The following NUDT5 variants were observed in gnomAD, a reference collection of about 807,000 sequenced individuals.
NUDT5 encodes the protein ADP-sugar pyrophosphatase.
NUDT5 carries 21 observed loss-of-function variants against 34.1 expected under a neutral mutation model. The ratio of observed to expected loss-of-function variants is 0.62; its 90% CI spans 0.44 to 0.89. NUDT5 has a LOEUF of 0.89. NUDT5 is among the 40% of genes least tolerant of loss of function. The pLI is 0.00. For missense variants in NUDT5, 249 were observed against 274.8 expected (o/e 0.91, Z 0.66); for synonymous variants, 85 against 97.6 (o/e 0.87, Z 0.76).
chr10:12,167,508 G>T lies in NUDT5; in HGVS notation c.*194C>A. The stretch of plus-strand genomic sequence containing the variant: ...TTATATTCTTTGTTAATTTTAGCTG[G>T]AGTTATAACAAATTTAAAGGAAGGT... On this transcript the variant is annotated 3_prime_UTR_variant, in exon 10 of 10. Coordinates refer to ENST00000491614, the MANE Select transcript of NUDT5 (RefSeq NM_014142.4). The T allele has an allele frequency of 1.9e-6, 1 of 535,658 alleles. No individual in the cohort carries two copies. Among genetic ancestry groups the T allele is most frequent in the Non-Finnish European group, 3.3e-6 (1 of 305,360 alleles). The allele number at this position is 535,658 out of a possible 1,614,324, so 33.2% of individuals were successfully genotyped here.
At position 12,187,143 on chromosome 10, in the gene NUDT5, G is replaced by A. The variant is rs149436999; in HGVS notation, c.-41-811C>T. On this transcript the variant is annotated intron_variant, in intron 1 of 9. Coordinates refer to ENST00000491614, the MANE Select transcript of NUDT5 (RefSeq NM_014142.4). The surrounding 1 kb of genome is among the most constrained non-coding windows in gnomAD (Gnocchi z 5.4). ...TACCTCCCAAGCTCACGTGCTCCTC[G>A]CATCTCAGCCTCCTGAGTAGCTGGG... Among the ~76,000 whole-genome samples, 513 of 152,188 alleles carry A rather than the reference G, an allele frequency of 3.4e-3. 3 individuals are homozygous for A. Among genetic ancestry groups the A allele is most frequent in the African/African-American group, 0.012 (486 of 41,514 alleles).
intron 5 of NUDT5, 134 bp downstream of exon 5, chr10:12,177,659 C>G (rs896305278): frequency 1.5e-6 from 1 of 676,278 alleles, no homozygotes; most frequent in Non-Finnish European, 2.6e-6. Flanking sequence ...AGGAGCCTCG[C>G]TACGAAATGG....
rs1564424334 is a variant in NUDT5, at chr10:12,177,815, GC to G, written c.266del (p.Gly89AlafsTer4). On this transcript the variant is annotated frameshift_variant, in exon 5 of 10. Transcript: ENST00000491614. LOFTEE classifies it high-confidence loss of function. ...CACCTGCAGGGAACTCTATGCAGTAGCCCCCCATTGGTGGTCGGAACTGTTT... is the reference window on the plus strand; with the variant it reads ...CACCTGCAGGGAACTCTATGCAGTAGCCCCCATTGGTGGTCGGAACTGTTT... ...LVKQFRPPMG[G>X]YCIEFPAGLI... 1.2e-6 allele frequency: 2 copies of G among 1,613,692 alleles called. No homozygotes were observed.
chr10:12,175,703 C>T lies in NUDT5; in HGVS notation c.290-1890G>A, dbSNP rs1834937536. On this transcript the variant is annotated intron_variant, in intron 5 of 9. Coordinates refer to ENST00000491614, the MANE Select transcript of NUDT5 (RefSeq NM_014142.4). The surrounding 1 kb of genome is among the most constrained non-coding windows in gnomAD (Gnocchi z 4.8). ...ATCTTAGCACTTTGGGAAGCTAAGG[C>T]GGGCAGATCACTTGAGCCAAGGAGT... is the stretch of plus-strand genomic sequence containing the variant. Among the ~76,000 whole-genome samples, 1 of 151,954 alleles carries T rather than the reference C, an allele frequency of 6.6e-6. No individual in the cohort carries two copies. Among genetic ancestry groups the T allele is most frequent in the Non-Finnish European group, 1.5e-5 (1 of 67,990 alleles).
At position 12,166,473 on chromosome 10, in the gene NUDT5, T is replaced by C. The variant is rs1834698001; in HGVS notation, c.*1229A>G. The C allele has an allele frequency of 8.1e-6, 2 of 247,030 alleles. No homozygotes were observed. The highest frequency in any genetic ancestry group is 9.9e-5 in the Admixed American group (2 of 20,128). The allele number at this position is 247,030 out of a possible 1,614,324, so 15.3% of individuals were successfully genotyped here. ...CTGTATTTCCATAATTGTTTTATCTTTAGGAAGTCCAGTGTAAAGATCTTA... is the reference window on the plus strand; with the variant it reads ...CTGTATTTCCATAATTGTTTTATCTCTAGGAAGTCCAGTGTAAAGATCTTA... On this transcript the variant is annotated 3_prime_UTR_variant, in exon 10 of 10. Transcript: ENST00000491614.
Position 12,187,387 on chromosome 10 carries a change from A to G in NUDT5, c.-41-1055T>C, listed in dbSNP as rs576578985. Among the ~76,000 whole-genome samples, 16 of 152,234 alleles carry G rather than the reference A, an allele frequency of 1.1e-4. No homozygotes were observed. Among genetic ancestry groups the G allele is most frequent in the Non-Finnish European group, 2.1e-4 (14 of 68,036 alleles). On this transcript the variant is annotated intron_variant, in intron 1 of 9. Transcript: ENST00000491614. This position sits in a 1 kb window ranked among gnomAD's most constrained non-coding sequence, Gnocchi z 5.4. Reference sequence around the variant, plus strand: ...TGTATCAAAGTCATAGTTGCAGAGAAAGGATCGAGTAGTACTACAAGTTCT... The same window carrying G: ...TGTATCAAAGTCATAGTTGCAGAGAGAGGATCGAGTAGTACTACAAGTTCT...
intron 1 of NUDT5, among the ~76,000 whole-genome samples, chr10:12,191,886 T>C (rs1322216852): frequency 6.6e-6 from 1 of 152,124 alleles, no homozygotes; most frequent in Admixed American, 6.6e-5. Context: ...ATTCCAGAAG[T>C]TAAACTATGA....
Position 12,170,807 on chromosome 10 carries a change from G to A in NUDT5, c.497-37C>T, listed in dbSNP as rs79775535. The A allele has an allele frequency of 8.3e-4, 1,338 of 1,613,152 alleles. 17 individuals are homozygous for A. In the East Asian group the frequency reaches 0.023, roughly 27 times the overall value. On this transcript the variant is annotated intron_variant, in intron 8 of 9. Coordinates refer to ENST00000491614, the MANE Select transcript of NUDT5 (RefSeq NM_014142.4). This position sits in a 1 kb window ranked among gnomAD's most constrained non-coding sequence, Gnocchi z 4.9. Reference sequence around the variant, plus strand: ...AAGTGCAAGTGAAAACAAAGCTAACGTCAAGAGCCTACCAAAACAACCCAA... The same window carrying A: ...AAGTGCAAGTGAAAACAAAGCTAACATCAAGAGCCTACCAAAACAACCCAA...
At chr10:12,180,329 G>C (rs1338621667) in intron 3 of NUDT5, 1 of 152,150 alleles carries the variant, frequency 6.6e-6, no homozygotes. Flanking sequence ...ATTCCTGTTA[G>C]TAGCAAGGAG....
rs567609488 is a variant in NUDT5, at chr10:12,179,617, T to G, written c.132-485A>C. 9.2e-5 allele frequency among the ~76,000 whole-genome samples: 14 copies of G among 151,772 alleles called. No homozygotes were observed. In the East Asian group the frequency reaches 1.6e-3, roughly 17 times the overall value. On this transcript the variant is annotated intron_variant, in intron 3 of 9. Coordinates refer to ENST00000491614, the MANE Select transcript of NUDT5 (RefSeq NM_014142.4). ...ACCTAAAACACACAATTTAAGAAGG[T>G]AGAACCTTCCCATTTATTAATGGAA...
rs145555543 is a variant in NUDT5, at chr10:12,184,857, C to T, written c.131+32G>A. The T allele has an allele frequency of 2.1e-3, 2,662 of 1,271,048 alleles. 62 individuals carry two copies. In the Admixed American group the frequency reaches 0.041, roughly 20 times the overall value. The allele number at this position is 1,271,048 out of a possible 1,614,324, so 78.7% of individuals were successfully genotyped here. A position where few individuals can be genotyped will look rare whatever the true frequency, so the allele number is the denominator to read the frequency against. On this transcript the variant is annotated intron_variant, in intron 3 of 9. Transcript: ENST00000491614. The stretch of plus-strand genomic sequence containing the variant: ...ACAGATAACCTGAGAACCCAAATAA[C>T]GAACATTTTGTAAGAAAAAAAAAAA...
rs1417104463 is a variant in NUDT5, at chr10:12,166,880, CTG to C, written c.*820_*821del. On this transcript the variant is annotated 3_prime_UTR_variant, in exon 10 of 10. Coordinates refer to ENST00000491614, the MANE Select transcript of NUDT5 (RefSeq NM_014142.4). ...TCTGTACTTCTTGCTGTGAACTACT[CTG>C]TATTGGGTTTCAGGTACTGGCTGAT... The C allele has an allele frequency of 7.9e-6, 3 of 379,586 alleles. No homozygotes were observed. Among genetic ancestry groups the C allele is most frequent in the African/African-American group, 6.4e-5 (3 of 47,122 alleles). The allele number at this position is 379,586 out of a possible 1,614,324, so 23.5% of individuals were successfully genotyped here.
rs192370069 is a variant in NUDT5 at position 12,177,397 on chromosome 10, T to G, written c.289+396A>C. Among the ~76,000 whole-genome samples, 929 of 151,790 alleles carry G rather than the reference T, an allele frequency of 6.1e-3. 10 individuals are homozygous for G. The highest frequency in any genetic ancestry group is 0.021 in the African/African-American group (856 of 41,372). On this transcript the variant is annotated intron_variant, in intron 5 of 9. Transcript: ENST00000491614. The stretch of plus-strand genomic sequence containing the variant: ...AGCCGGGCGTGGTGGCGGGCGCCTG[T>G]AGTCCCAGCCACTCGGGAGGCTGAA...
chr10:12,190,718 C>T (rs1047448341), intron 1 of NUDT5, among the ~76,000 whole-genome samples: 3 of 150,698 alleles, frequency 2.0e-5, no homozygotes, highest in South Asian at 2.1e-4. Flanking sequence ...AAGCAATTCT[C>T]CTGCCTCAGC....
chr10:12,169,518 C>T lies in NUDT5; in HGVS notation c.550+1199G>A, dbSNP rs1046862167. On this transcript the variant is annotated intron_variant, in intron 9 of 9. Transcript: ENST00000491614. The surrounding 1 kb of genome is among the most constrained non-coding windows in gnomAD (Gnocchi z 4.8). ...GAGTCGGGCCTGTGACTCCGAGCTGCGCTGCCTCGTATTGATTGTCATGCC... is the reference window on the plus strand; with the variant it reads ...GAGTCGGGCCTGTGACTCCGAGCTGTGCTGCCTCGTATTGATTGTCATGCC... 14 of 518,866 alleles carry T rather than the reference C, an allele frequency of 2.7e-5. 1 individual carries two copies. The highest frequency in any genetic ancestry group is 1.4e-4 in the Admixed American group (4 of 28,406). 32.1% of individuals were successfully genotyped at this position (518,866 alleles called of 1,614,324 possible).
intron 5 of NUDT5, among the ~76,000 whole-genome samples, chr10:12,177,336 G>A (rs1316747590): frequency 1.3e-5 from 2 of 151,814 alleles, no homozygotes; most frequent in Admixed American, 1.3e-4. Flanking sequence ...TGGCCAACAC[G>A]GTGAAACCCT....
Position 12,170,816 on chromosome 10 carries a change from C to T in NUDT5, c.497-46G>A. 1 of 1,613,214 alleles carries T rather than the reference C, an allele frequency of 6.2e-7. No individual in the cohort carries two copies. The highest frequency in any genetic ancestry group is 8.5e-7 in the Non-Finnish European group (1 of 1,179,172). On this transcript the variant is annotated intron_variant, in intron 8 of 9. Transcript: ENST00000491614. The surrounding 1 kb of genome is among the most constrained non-coding windows in gnomAD (Gnocchi z 4.9). ...TGAAAACAAAGCTAACGTCAAGAGC[C>T]TACCAAAACAACCCAAAATGTCTGC...
chr10:12,167,551 T>G lies in NUDT5; in HGVS notation c.*151A>C, dbSNP rs1220475971. Reference sequence around the variant, plus strand: ...AGGAAGGTCACAACCTACCTGTAATTACAATTCCATACCACCACCACATCT... The same window carrying G: ...AGGAAGGTCACAACCTACCTGTAATGACAATTCCATACCACCACCACATCT... On this transcript the variant is annotated 3_prime_UTR_variant, in exon 10 of 10. Transcript: ENST00000491614. 5.9e-6 allele frequency: 4 copies of G among 673,168 alleles called. No individual in the cohort carries two copies. Among genetic ancestry groups the G allele is most frequent in the African/African-American group, 3.7e-5 (2 of 53,994 alleles). 41.7% of individuals were successfully genotyped at this position (673,168 alleles called of 1,614,324 possible).
chr10:12,178,923 T>C (rs1000577314), intron 4 of NUDT5, 160 bp downstream of exon 4: 4 of 643,836 alleles, frequency 6.2e-6, no homozygotes, highest in Non-Finnish European at 1.1e-5. Context: ...AAGTTACTTA[T>C]AAAGAAAGCT....
Sources: allele counts gnomAD v4.1 joint callset (sites outside exome capture counted in the v4.1 genomes callset), GRCh38; gene constraint gnomAD v4.1.1; non-coding constraint Gnocchi (gnomAD v3.1); transcripts MANE v1.5; gene names NCBI Gene and HGNC (gene_info 2026-07-23, HGNC 2026-07-21).